Variants in NCKIPSD observed in about 807,000 individuals in gnomAD.
The protein encoded by NCKIPSD is NCK-interacting protein with SH3 domain.
NCKIPSD carries 48 observed loss-of-function variants against 73.4 expected under a neutral mutation model. The observed-to-expected ratio is 0.65, with a 90% CI of 0.52 to 0.83. The LOEUF is 0.83. Among genes scored for constraint, NCKIPSD ranks in the 40% least tolerant of loss-of-function variants. NCKIPSD has a pLI of 0.00. For missense variants in NCKIPSD, 884 were observed against 970.2 expected (o/e 0.91, Z 1.18); for synonymous variants, 422 against 403.6 (o/e 1.05, Z -0.54).
intron 1 of NCKIPSD, among the ~76,000 whole-genome samples, chr3:48,683,402 C>T (rs2077386929): frequency 6.6e-6 from 1 of 152,222 alleles, no homozygotes; most frequent in Admixed American, 6.5e-5. Context: ...AGATGCCAAA[C>T]AGGAAGTCTC....
Position 48,679,819 on chromosome 3 carries a change from C to G in NCKIPSD, c.1332G>C (p.Leu444Phe), listed in dbSNP as rs987176445. Residue 444 changes from leucine (L) to phenylalanine (F), a missense_variant, in exon 7 of 13, where the codon TTG becomes TTC. Physicochemically the swap from Leu to Phe is conservative, Grantham distance 22. Transcript: ENST00000294129. ...CACATACCATTTGGTAATAGGCCAC[C>G]AAGGCCAGGACAGACTCGAACTCGT... ...KRNEFESVLA[L>F]VAYYQMEHRA... is the part of the protein sequence containing the mutation. The G allele has an allele frequency of 5.6e-6, 9 of 1,614,254 alleles. No homozygotes were observed. The highest frequency in any genetic ancestry group is 6.8e-6 in the Non-Finnish European group (8 of 1,180,038).
chr3:48,681,553 C>T lies in NCKIPSD; in HGVS notation c.826G>A (p.Val276Met), dbSNP rs368765166. 1.2e-6 allele frequency: 2 copies of T among 1,614,072 alleles called. No homozygotes were observed. Among genetic ancestry groups the T allele is most frequent in the Non-Finnish European group, 1.7e-6 (2 of 1,180,012 alleles). Residue 276 changes from valine (V) to methionine (M), a missense_variant, in exon 5 of 13, where the codon GTG (valine) becomes ATG (methionine). Coordinates refer to ENST00000294129, the MANE Select transcript of NCKIPSD (RefSeq NM_016453.4). ...GAGGCTGAGGTTGTACCAGTTGCCACTTCTTCTTCTGCAGGGGGTTCAGGT... is the reference window on the plus strand; with the variant it reads ...GAGGCTGAGGTTGTACCAGTTGCCATTTCTTCTTCTGCAGGGGGTTCAGGT... ...SAPEPPAEEE[V>M]ATGTTSASDD...
At position 48,684,627 on chromosome 3, in the gene NCKIPSD, G is replaced by A. The variant is rs111392527; in HGVS notation, c.171+1010C>T. On this transcript the variant is annotated intron_variant, in intron 1 of 12. Coordinates refer to ENST00000294129, the MANE Select transcript of NCKIPSD (RefSeq NM_016453.4). ...AAGGATAAGGACTAGGACGGGGCGG[G>A]GGTGTCTGGCACAGGCCCGGCAGCT... Among the ~76,000 whole-genome samples the A allele has an allele frequency of 1.0e-3, 158 of 152,364 alleles. 1 individual carries two copies. Among genetic ancestry groups the A allele is most frequent in the South Asian group, 1.9e-3 (9 of 4,834 alleles).
rs186493175 is a variant in NCKIPSD at position 48,682,703 on chromosome 3, T to A, written c.282-151A>T. On this transcript the variant is annotated intron_variant, in intron 2 of 12. Transcript: ENST00000294129. The stretch of plus-strand genomic sequence containing the variant: ...CACCCCAGCCTACAGTACCCCATAC[T>A]ATCCTCAGTCCTGCGCTCTGCACAC... The A allele has an allele frequency of 2.1e-5, 24 of 1,141,732 alleles. No individual in the cohort carries two copies. The Admixed American group carries it at 4.3e-4, about 21-fold the overall frequency. The allele number at this position is 1,141,732 out of a possible 1,614,324, so 70.7% of individuals were successfully genotyped here. A position where few individuals can be genotyped will look rare whatever the true frequency, so the allele number is the denominator to read the frequency against.
intron 1 of NCKIPSD, 135 bp downstream of exon 1, chr3:48,685,488 GTCTCAGGGTCAGGT>G: frequency 9.7e-7 from 1 of 1,034,044 alleles, no homozygotes; most frequent in South Asian, 1.8e-5. Flanking sequence ...GGGTCCGGGG[GTCTCAGGGTCAGGT>G]TCTCAAACTC....
At chr3:48,681,820 T>C in intron 4 of NCKIPSD, 40 bp from the exon 5 acceptor site, 1 of 1,461,712 alleles carries the variant, frequency 6.8e-7, no homozygotes, top group Non-Finnish European at 9.0e-7. Flanking sequence ...GGCAGCCCCC[T>C]GGAAAACCAT....
At chr3:48,676,734 C>T (rs2077261563) in intron 12 of NCKIPSD, among the ~76,000 whole-genome samples, 1 of 152,006 alleles carries the variant, frequency 6.6e-6, no homozygotes, top group Non-Finnish European at 1.5e-5. Flanking sequence ...CTCAAGTGAT[C>T]CTCCCACTTC....
chr3:48,675,528 G>T (rs745925545), intron 12 of NCKIPSD, among the ~76,000 whole-genome samples: 20 of 122,284 alleles, frequency 1.6e-4, no homozygotes, highest in Admixed American at 3.5e-4. Flanking sequence ...ATATATATAT[G>T]ATATATATAT....
At position 48,679,645 on chromosome 3, in the gene NCKIPSD, G is replaced by A. The variant is rs1297328961; in HGVS notation, c.1419C>T (p.Ala473=). ...CFGAMCSLDA[A]IISTLVSSVL... ...CGGATGACACAAGCGTGGAGATGAT[G>A]GCTGCATCCAGGCTGCACATGGCGC... Residue 473 remains alanine (A), a synonymous_variant, in exon 8 of 13, where the codon GCC becomes GCT. Transcript: ENST00000294129. 6.2e-7 allele frequency: 1 copy of A among 1,614,176 alleles called. No homozygotes were observed. The highest frequency in any genetic ancestry group is 1.3e-5 in the African/African-American group (1 of 75,044).
At chr3:48,681,991 C>T in intron 4 of NCKIPSD, 54 bp downstream of exon 4, 1 of 1,560,318 alleles carries the variant, frequency 6.4e-7, no homozygotes, top group Non-Finnish European at 8.7e-7. Context: ...GGCAGCACAA[C>T]CATTCCAAGC....
At chr3:48,683,904 TCAG>T in intron 1 of NCKIPSD, among the ~76,000 whole-genome samples, 1 of 150,808 alleles carries the variant, frequency 6.6e-6, no homozygotes, top group South Asian at 2.1e-4. Flanking sequence ...GGCACAGAGG[TCAG>T]CAAAGCCCTC....
chr3:48,682,869 CG>C (rs913402993), intron 2 of NCKIPSD, 33 bp downstream of exon 2: 1 of 1,534,392 alleles, frequency 6.5e-7, no homozygotes, highest in Non-Finnish European at 8.8e-7. Context: ...CCATGCTCAC[CG>C]GGAGGTCCCA....
chr3:48,680,378 A>C (rs918925403), intron 5 of NCKIPSD, 149 bp from the exon 6 acceptor site: 1 of 868,966 alleles, frequency 1.2e-6, no homozygotes, highest in Non-Finnish European at 1.7e-6. Flanking sequence ...GCTCAACTCC[A>C]GTCTTGATGA....
chr3:48,682,316 C>T (rs557072278), intron 3 of NCKIPSD, 32 bp downstream of exon 3: 24 of 1,610,962 alleles, frequency 1.5e-5, no homozygotes, highest in Non-Finnish European at 2.0e-5. Context: ...GTTCCACCCA[C>T]CTCCCTTCTC....
chr3:48,685,781 G>T lies in NCKIPSD; in HGVS notation c.27C>A (p.Arg9=). The part of the protein sequence containing the change: MYRALYAF[R]SAEPNALAFA... The stretch of plus-strand genomic sequence containing the variant: ...ACGCCAGCGCGTTGGGCTCCGCCGA[G>T]CGGAACGCGTACAGCGCGCGGTACA... The change falls in exon 1 of 13, where the codon CGC becomes CGA. Residue 9 remains arginine (R), a synonymous_variant. Transcript: ENST00000294129. 6.5e-7 allele frequency: 1 copy of T among 1,529,772 alleles called. No homozygotes were observed. Among genetic ancestry groups the T allele is most frequent in the East Asian group, 2.6e-5 (1 of 39,194 alleles). The allele number at this position is 1,529,772 out of a possible 1,614,324, so 94.8% of individuals were successfully genotyped here.
chr3:48,681,659 T>C lies in NCKIPSD; in HGVS notation c.720A>G (p.Ser240=), dbSNP rs1297997334. 25 of 1,608,102 alleles carry C rather than the reference T, an allele frequency of 1.6e-5. No homozygotes were observed. Among genetic ancestry groups the C allele is most frequent in the Non-Finnish European group, 2.1e-5 (25 of 1,177,288 alleles). Residue 240 remains serine (S), a synonymous_variant, in exon 5 of 13, where the codon TCA becomes TCG. Coordinates refer to ENST00000294129, the MANE Select transcript of NCKIPSD (RefSeq NM_016453.4). ...GGCGGGGCACAGGTGGGGGTGTGGG[T>C]GAGCAGCTGGAGCCTGGTTCAGATG... ...SSPSEPGSSC[S]PTPPPVPRRG...
rs757925456 is a variant in NCKIPSD, at chr3:48,679,117, G to A, written c.1637C>T (p.Thr546Ile). 1.1e-5 allele frequency: 18 copies of A among 1,614,044 alleles called. No homozygotes were observed. The highest frequency in any genetic ancestry group is 1.4e-5 in the Non-Finnish European group (16 of 1,180,040). Residue 546 changes from threonine to isoleucine, a missense_variant, in exon 10 of 13, where the codon ACC becomes ATC. Thr to Ile is a moderately conservative substitution (Grantham distance 89, BLOSUM62 -1). Transcript: ENST00000294129. Reference sequence around the variant, plus strand: ...GCAGAGGTCCGGCAGCTGCTCTGTGGTGTCCAAGGGCAGCCCATCCTCGAC... The same window carrying A: ...GCAGAGGTCCGGCAGCTGCTCTGTGATGTCCAAGGGCAGCCCATCCTCGAC... Reference protein sequence around the residue: ...NIVEDGLPLDTTEQLPDLCVN... With the variant: ...NIVEDGLPLDITEQLPDLCVN...
rs760490512 is a variant in NCKIPSD at position 48,680,091 on chromosome 3, G to A, written c.1231C>T (p.Arg411Cys). The change falls in exon 6 of 13, where the codon CGC becomes TGC. Residue 411 changes from arginine (R) to cysteine (C), a missense_variant. By Grantham distance (180) the Arg-to-Cys change is radical (BLOSUM62 -3). Transcript: ENST00000294129. ...TGCAGCAGCTCCTCTAGGTAGCAGC[G>A]GATGACACCCTCATCCTCATATAGT... ...WALYEDEGVI[R>C]CYLEELLHIL... 11 of 1,613,600 alleles carry A rather than the reference G, an allele frequency of 6.8e-6. No homozygotes were observed. Among genetic ancestry groups the A allele is most frequent in the South Asian group, 4.4e-5 (4 of 91,044 alleles).
At chr3:48,680,848 C>G (rs553681213) in intron 5 of NCKIPSD, among the ~76,000 whole-genome samples, 2 of 152,332 alleles carry the variant, frequency 1.3e-5, no homozygotes, top group African/African-American at 4.8e-5. Context: ...CATCCCAGCT[C>G]TCCCAGCACC....
Sources: allele counts gnomAD v4.1 joint callset (sites outside exome capture counted in the v4.1 genomes callset), GRCh38; gene constraint gnomAD v4.1.1; transcripts MANE v1.5; gene names NCBI Gene and HGNC (gene_info 2026-07-23, HGNC 2026-07-21).